The following SLC51B variants were observed in gnomAD, a reference collection of about 807,000 sequenced individuals.
The protein encoded by SLC51B is SLC51 subunit beta.
A neutral mutation model predicts 8.0 loss-of-function variants in SLC51B; 6 were observed. The ratio of observed to expected loss-of-function variants is 0.75; its 90% confidence interval spans 0.41 to 1.48. SLC51B has a LOEUF of 1.48. Ranked by LOEUF, SLC51B falls within the 40% of genes most tolerant of loss-of-function variation. The pLI is 0.01. For synonymous variants in SLC51B, 61 were observed against 54.8 expected (o/e 1.11, Z -0.50); for missense variants, 150 against 149.7 (o/e 1.00, Z -0.01).
chr15:65,051,640 C>T, intron 3 of SLC51B, 35 bp downstream of exon 3: 2 of 1,600,016 alleles, frequency 1.2e-6, no homozygotes. Context: ...GGGGTGGTCT[C>T]TGTGGGGTAG....
At chr15:65,049,608 G>C (rs563528724) in intron 1 of SLC51B, 88 of 154,402 alleles carry the variant, frequency 5.7e-4, no homozygotes, top group Non-Finnish European at 9.3e-4. Flanking sequence ...TGCGGACGCT[G>C]AACAGGCAGG....
chr15:65,051,767 A>AAAACAAACAAAC lies in SLC51B; in HGVS notation c.188+174_188+185dup, dbSNP rs58082384. On this transcript the variant is annotated intron_variant, in intron 3 of 3. Transcript: ENST00000334287. ...GTCCTTCGAGAACCCCAAGCTGTTA[A>AAAACAAACAAAC]AAACAAACAAACAAACAAACAAAAA... is the stretch of plus-strand genomic sequence containing the variant. Among the ~76,000 whole-genome samples the AAAACAAACAAAC allele has an allele frequency of 5.0e-3, 745 of 150,486 alleles. 2 individuals carry two copies. The highest frequency in any genetic ancestry group is 0.011 in the Admixed American group (164 of 15,082).
At chr15:65,052,399 CTTTTTT>C (rs34021026) in intron 3 of SLC51B, among the ~76,000 whole-genome samples, 3 of 76,344 alleles carry the variant, frequency 3.9e-5, no homozygotes, top group East Asian at 8.7e-4. Context: ...GCATCCTTGG[CTTTTTT>C]TTTTTTTTTT....
chr15:65,051,394 G>A lies in SLC51B; in HGVS notation c.98-121G>A, dbSNP rs1173789305. The A allele has an allele frequency of 3.5e-5, 30 of 869,284 alleles. No individual in the cohort carries two copies. The South Asian group carries it at 4.5e-4, about 13-fold the overall frequency. 53.8% of individuals were successfully genotyped at this position (869,284 alleles called of 1,614,324 possible). Reference sequence around the variant, plus strand: ...GGGCAAGGGGCCCATCTTTGATTAGGGTCTCCACGCAAAGGACAGTTGATG... The same window carrying A: ...GGGCAAGGGGCCCATCTTTGATTAGAGTCTCCACGCAAAGGACAGTTGATG... On this transcript the variant is annotated intron_variant, in intron 2 of 3. Coordinates refer to ENST00000334287, the MANE Select transcript of SLC51B (RefSeq NM_178859.4).
chr15:65,053,128 A>T lies in SLC51B; in HGVS notation c.351A>T (p.Ser117=). ...AGTTAAAAGAGAGAGATGTGCTGTC[A>T]GTTTTCCTTCCGGATGTACCAGAAA... The part of the protein sequence containing the change: ...ELELKERDVL[S]VFLPDVPETE... The change falls in exon 4 of 4, where the codon TCA becomes TCT. Residue 117 remains serine, a synonymous_variant. Coordinates refer to ENST00000334287, the MANE Select transcript of SLC51B (RefSeq NM_178859.4). 1 of 1,614,190 alleles carries T rather than the reference A, an allele frequency of 6.2e-7. No homozygotes were observed. Among genetic ancestry groups the T allele is most frequent in the Non-Finnish European group, 8.5e-7 (1 of 1,180,044 alleles).
At chr15:65,046,570 GT>G (rs1354104744) in intron 1 of SLC51B, among the ~76,000 whole-genome samples, 2 of 152,190 alleles carry the variant, frequency 1.3e-5, no homozygotes, top group Non-Finnish European at 2.9e-5. Flanking sequence ...TGTCATTTTG[GT>G]TTTTTGTTGG....
At chr15:65,047,787 TC>T (rs1450744394) in intron 1 of SLC51B, among the ~76,000 whole-genome samples, 2 of 126,760 alleles carry the variant, frequency 1.6e-5, no homozygotes, top group African/African-American at 3.0e-5. Flanking sequence ...GACAGATAGA[TC>T]GATAGATGAT....
At chr15:65,046,380 G>A (rs576382522) in intron 1 of SLC51B, among the ~76,000 whole-genome samples, 1 of 152,136 alleles carries the variant, frequency 6.6e-6, no homozygotes. Context: ...TGAGGCAGGA[G>A]AATCACTTGA....
In SLC51B at chr15:65,051,423, T is replaced by G. The variant is rs544209355; in HGVS notation, c.98-92T>G. ...TCCACGCAAAGGACAGTTGATGCTG[T>G]AAGCTGGGTCTGAGCCCAGGCCCCA... is the stretch of plus-strand genomic sequence containing the variant. On this transcript the variant is annotated intron_variant, in intron 2 of 3. Coordinates refer to ENST00000334287, the MANE Select transcript of SLC51B (RefSeq NM_178859.4). 7 of 1,214,096 alleles carry G rather than the reference T, an allele frequency of 5.8e-6. No homozygotes were observed. The East Asian group carries it at 1.7e-4, about 29-fold the overall frequency. 75.2% of individuals were successfully genotyped at this position (1,214,096 alleles called of 1,614,324 possible). A position where few individuals can be genotyped will look rare whatever the true frequency, so the allele number is the denominator to read the frequency against.
chr15:65,053,379 G>A lies in SLC51B; in HGVS notation c.*215G>A. On this transcript the variant is annotated 3_prime_UTR_variant, in exon 4 of 4. Transcript: ENST00000334287. ...ATCTTTTATTAAAATGCTCCTGGAAGGGAGCAGGTGGTATTGCATAGTTTG... is the reference window on the plus strand; with the variant it reads ...ATCTTTTATTAAAATGCTCCTGGAAAGGAGCAGGTGGTATTGCATAGTTTG... 1.5e-6 allele frequency: 2 copies of A among 1,378,200 alleles called. No homozygotes were observed. Among genetic ancestry groups the A allele is most frequent in the Non-Finnish European group, 1.9e-6 (2 of 1,069,940 alleles). The allele number at this position is 1,378,200 out of a possible 1,614,324, so 85.4% of individuals were successfully genotyped here.
At position 65,053,158 on chromosome 15, in the gene SLC51B, G is replaced by A. The variant is rs752749624; in HGVS notation, c.381G>A (p.Glu127=). 2.4e-5 allele frequency: 38 copies of A among 1,613,748 alleles called. No individual in the cohort carries two copies. Among genetic ancestry groups the A allele is most frequent in the Non-Finnish European group, 3.1e-5 (37 of 1,180,040 alleles). The change falls in exon 4 of 4, where the codon GAG becomes GAA. Residue 127 remains glutamate, a synonymous_variant. Transcript: ENST00000334287. ...TCCTTCCGGATGTACCAGAAACTGA[G>A]AGCTAGTGAGGGTTCAGAGAAGCCC... ...SVFLPDVPET[E]S
intron 1 of SLC51B, among the ~76,000 whole-genome samples, chr15:65,048,759 A>G (rs1337792998): frequency 6.6e-6 from 1 of 152,206 alleles, no homozygotes; most frequent in African/African-American, 2.4e-5. Flanking sequence ...CTGTAATCCC[A>G]GTACTTTGGG....
chr15:65,047,818 TAG>T (rs964094595), intron 1 of SLC51B, among the ~76,000 whole-genome samples: 1 of 152,024 alleles, frequency 6.6e-6, no homozygotes, highest in African/African-American at 2.4e-5. Context: ...GATAGATAGA[TAG>T]ATAGATAGAT....
chr15:65,049,855 C>A, intron 1 of SLC51B, 42 bp from the exon 2 acceptor site: 5 of 487,042 alleles, frequency 1.0e-5, no homozygotes, highest in Middle Eastern at 5.6e-4. Context: ...GGAGATCAAA[C>A]TCGGGTGGGA....
At chr15:65,048,299 T>C (rs549702500) in intron 1 of SLC51B, among the ~76,000 whole-genome samples, 3 of 152,388 alleles carry the variant, frequency 2.0e-5, no homozygotes, top group South Asian at 2.1e-4. Flanking sequence ...GTCAGTATTG[T>C]ATTTGTGTCA....
At chr15:65,045,963 C>T (rs1336575059) in intron 1 of SLC51B, among the ~76,000 whole-genome samples, 3 of 152,046 alleles carry the variant, frequency 2.0e-5, no homozygotes, top group Non-Finnish European at 2.9e-5. Flanking sequence ...GTCAGGAGTT[C>T]GAGACCACCC....
At position 65,052,881 on chromosome 15, in the gene SLC51B, C is replaced by T. The variant is rs74981303; in HGVS notation, c.189-85C>T. The T allele has an allele frequency of 4.5e-3, 5,932 of 1,306,684 alleles. 194 individuals are homozygous for T. In the African/African-American group the frequency reaches 0.074, roughly 16 times the overall value. 80.9% of individuals were successfully genotyped at this position (1,306,684 alleles called of 1,614,324 possible). On this transcript the variant is annotated intron_variant, in intron 3 of 3. Coordinates refer to ENST00000334287, the MANE Select transcript of SLC51B (RefSeq NM_178859.4). ...CCCAAACTGCATAGAGAATTTTCCCCTTAGACTCTTTAAGCCATTTGGGCG... is the reference window on the plus strand; with the variant it reads ...CCCAAACTGCATAGAGAATTTTCCCTTTAGACTCTTTAAGCCATTTGGGCG...
At chr15:65,046,554 C>A (rs1221754003) in intron 1 of SLC51B, among the ~76,000 whole-genome samples, 11 of 152,134 alleles carry the variant, frequency 7.2e-5, no homozygotes, top group Admixed American at 3.3e-4. Flanking sequence ...GGATTTGTAT[C>A]CAATTTGTCA....
chr15:65,049,053 T>C (rs2086612859), intron 1 of SLC51B: 1 of 150,866 alleles, frequency 6.6e-6, no homozygotes, highest in Admixed American at 6.6e-5. Flanking sequence ...AATTTTAATA[T>C]TGGCCTGAAT....
Sources: gnomAD v4.1 joint callset for allele counts (sites outside exome capture counted in the v4.1 genomes callset) on GRCh38, gnomAD v4.1.1 for gene constraint, MANE v1.5 for transcripts, NCBI Gene and HGNC (gene_info 2026-07-23, HGNC 2026-07-21) for gene names.